The following PCDHAC2 variants were observed in gnomAD, a reference collection of about 807,000 sequenced individuals.
The protein encoded by PCDHAC2 is protocadherin alpha subfamily C, 2.
PCDHAC2 carries 24 observed loss-of-function variants against 63.3 expected under a neutral mutation model. The ratio of observed to expected loss-of-function variants is 0.38; its 90% CI spans 0.27 to 0.53. PCDHAC2 has a LOEUF of 0.53. PCDHAC2 is among the 20% of genes least tolerant of loss of function. PCDHAC2 has a pLI of 0.81. For synonymous variants in PCDHAC2, 569 were observed against 529.4 expected (o/e 1.07, Z -1.03); for missense variants, 1,181 against 1,275.2 (o/e 0.93, Z 1.12).
chr5:140,982,662 T>C (rs1325546785), intron 3 of PCDHAC2, 99 bp downstream of exon 3: 4 of 1,476,284 alleles, frequency 2.7e-6, no homozygotes, highest in Admixed American at 2.6e-5. Context: ...CTTTTTCTTT[T>C]ATATTTTTGT....
At chr5:140,982,984 G>A (rs558088522) in intron 3 of PCDHAC2, among the ~76,000 whole-genome samples, 11 of 151,694 alleles carry the variant, frequency 7.3e-5, no homozygotes, top group Non-Finnish European at 1.5e-4. Flanking sequence ...GAAAGAAAGA[G>A]AAAAAGAAGG....
intron 3 of PCDHAC2, among the ~76,000 whole-genome samples, chr5:141,007,567 CA>C (rs1489201842): frequency 6.6e-6 from 1 of 151,954 alleles, no homozygotes; most frequent in Non-Finnish European, 1.5e-5. Flanking sequence ...GGCTCTATCT[CA>C]AATTTAAAAA....
intron 1 of PCDHAC2, among the ~76,000 whole-genome samples, chr5:140,971,546 A>G (rs1236125448): frequency 6.6e-6 from 1 of 152,146 alleles, no homozygotes; most frequent in African/African-American, 2.4e-5. Context: ...TGCCAGATCA[A>G]CCTGTTAAAT....
chr5:140,969,393 C>T, intron 1 of PCDHAC2, 62 bp downstream of exon 1: 1 of 1,590,146 alleles, frequency 6.3e-7, no homozygotes. Flanking sequence ...CCCCCAATAT[C>T]CTGTGATTTG....
At chr5:141,003,123 T>C (rs1387983867) in intron 3 of PCDHAC2, among the ~76,000 whole-genome samples, 1 of 152,240 alleles carries the variant, frequency 6.6e-6, no homozygotes, top group Non-Finnish European at 1.5e-5. Flanking sequence ...GGCCCTTTCC[T>C]GGCATTTGCC....
intron 3 of PCDHAC2, among the ~76,000 whole-genome samples, chr5:141,006,902 A>T (rs1563704110): frequency 6.6e-6 from 1 of 152,218 alleles, no homozygotes; most frequent in Non-Finnish European, 1.5e-5. Context: ...AGATTTCTTC[A>T]GTTTGGGATG....
At chr5:140,995,819 C>T (rs1045622508) in intron 3 of PCDHAC2, among the ~76,000 whole-genome samples, 1 of 152,088 alleles carries the variant, frequency 6.6e-6, no homozygotes, top group African/African-American at 2.4e-5. Flanking sequence ...AGGGAGATAG[C>T]CTGGCATTGC....
chr5:140,971,928 T>C (rs1318885872), intron 1 of PCDHAC2, among the ~76,000 whole-genome samples: 1 of 152,186 alleles, frequency 6.6e-6, no homozygotes, highest in Non-Finnish European at 1.5e-5. Flanking sequence ...GCTAGTGTTA[T>C]TTTAAGTTGT....
chr5:141,002,189 C>T (rs1277871243), intron 3 of PCDHAC2, among the ~76,000 whole-genome samples: 4 of 152,220 alleles, frequency 2.6e-5, no homozygotes, highest in African/African-American at 9.6e-5. Flanking sequence ...TGCTGTCTGG[C>T]AAGATAGTCC....
rs781866730 is a variant in PCDHAC2 at position 141,009,887 on chromosome 5, CAG to C, written c.2975_2976del (p.Gln992ArgfsTer11). ...GAAAAAGAAGAAGGGTAACAAGACCCAGGAGAAAAAAGAGAAAGGGAACAGCA... is the reference window on the plus strand; with the variant it reads ...GAAAAAGAAGAAGGGTAACAAGACCCGAGAAAAAAGAGAAAGGGAACAGCA... ...KKKKKKGNKTQEKKEKGNSTT... is the reference protein window; with the variant it reads ...KKKKKKGNKTXEKKEKGNSTT... On this transcript the variant is annotated frameshift_variant, in exon 4 of 4. Transcript: ENST00000289269. LOFTEE classifies it high-confidence loss of function. 1.9e-6 allele frequency: 3 copies of C among 1,612,850 alleles called. No homozygotes were observed. In the South Asian group the frequency reaches 3.3e-5, roughly 18 times the overall value.
At chr5:140,978,405 A>G (rs919688095) in intron 1 of PCDHAC2, among the ~76,000 whole-genome samples, 1 of 152,220 alleles carries the variant, frequency 6.6e-6, no homozygotes, top group Non-Finnish European at 1.5e-5. Context: ...TCCCTCTTCA[A>G]TCAGAAAAGA....
chr5:141,009,174 G>A (rs1281128951), intron 3 of PCDHAC2, among the ~76,000 whole-genome samples: 1 of 152,228 alleles, frequency 6.6e-6, no homozygotes, highest in African/African-American at 2.4e-5. Flanking sequence ...ACTGGCCTTG[G>A]CTGGGTGTGG....
In PCDHAC2 at chr5:140,979,026, A is replaced by AT. The variant is rs2096832382; in HGVS notation, c.2624+21dup. On this transcript the variant is annotated intron_variant, in intron 2 of 3. Coordinates refer to ENST00000289269, the MANE Select transcript of PCDHAC2 (RefSeq NM_018899.6). ...TGCACAGGTATGTATTTCCCTCCTC[A>AT]TTCACTCAGAAGTAACCTTAACTTG... 1 of 1,613,372 alleles carries AT rather than the reference A, an allele frequency of 6.2e-7. No homozygotes were observed. The highest frequency in any genetic ancestry group is 1.3e-5 in the African/African-American group (1 of 74,882).
chr5:140,967,874 C>T lies in PCDHAC2; in HGVS notation c.1108C>T (p.Leu370=). ...TGCCCCAGAGGTGGTGCTCACGGACCTGTATAGCCCAGTGCCTGAGAATGC... is the reference window on the plus strand; with the variant it reads ...TGCCCCAGAGGTGGTGCTCACGGACTTGTATAGCCCAGTGCCTGAGAATGC... ...DNAPEVVLTD[L]YSPVPENATP... Residue 370 remains leucine, a synonymous_variant, in exon 1 of 4, where the codon CTG becomes TTG. Coordinates refer to ENST00000289269, the MANE Select transcript of PCDHAC2 (RefSeq NM_018899.6). The T allele has an allele frequency of 6.2e-7, 1 of 1,614,132 alleles. No homozygotes were observed. The highest frequency in any genetic ancestry group is 8.5e-7 in the Non-Finnish European group (1 of 1,180,030).
intron 3 of PCDHAC2, among the ~76,000 whole-genome samples, chr5:140,987,261 T>C (rs1245588314): frequency 6.6e-6 from 1 of 151,964 alleles, no homozygotes; most frequent in African/African-American, 2.4e-5. Context: ...TTCTCAGGAA[T>C]GGGACCCGGC....
rs1485742296 is a variant in PCDHAC2, at chr5:140,974,143, T to C, written c.2566-4806T>C. On this transcript the variant is annotated intron_variant, in intron 1 of 3. Transcript: ENST00000289269. ...GTTTTAAATCTGCTAACCTGAAAACTATACAAGGGTTTTTCTTTCAAGAAT... is the reference window on the plus strand; with the variant it reads ...GTTTTAAATCTGCTAACCTGAAAACCATACAAGGGTTTTTCTTTCAAGAAT... 2.0e-5 allele frequency among the ~76,000 whole-genome samples: 3 copies of C among 152,324 alleles called. No homozygotes were observed. The East Asian group carries it at 5.8e-4, about 29-fold the overall frequency.
chr5:141,000,361 GTCTCTCTCTCTCTCTC>G (rs148596731), intron 3 of PCDHAC2, among the ~76,000 whole-genome samples: 6 of 26,448 alleles, frequency 2.3e-4, no homozygotes, highest in African/African-American at 1.2e-3. Context: ...GTCTCTCTCT[GTCTCTCTCTCTCTCTC>G]TCTCTCTCTC....
At chr5:140,991,247 T>C (rs1211585397) in intron 3 of PCDHAC2, among the ~76,000 whole-genome samples, 1 of 152,200 alleles carries the variant, frequency 6.6e-6, no homozygotes, top group Non-Finnish European at 1.5e-5. Flanking sequence ...AAAGGCAGTA[T>C]TTGAACTCAT....
intron 3 of PCDHAC2, among the ~76,000 whole-genome samples, chr5:140,997,372 A>G (rs2097768557): frequency 6.6e-6 from 1 of 152,208 alleles, no homozygotes; most frequent in Non-Finnish European, 1.5e-5. Context: ...CCTAGATGAT[A>G]TAGCATACTA....
Sources: gnomAD v4.1 joint callset for allele counts (sites outside exome capture counted in the v4.1 genomes callset) on GRCh38, gnomAD v4.1.1 for gene constraint, MANE v1.5 for transcripts, NCBI Gene and HGNC (gene_info 2026-07-23, HGNC 2026-07-21) for gene names.